GDAP1: variants seen among roughly 807,000 people sequenced by gnomAD.
The protein encoded by GDAP1 is ganglioside-induced differentiation-associated protein 1.
A neutral mutation model predicts 40.1 loss-of-function variants in GDAP1; 34 were observed. That is an observed-to-expected ratio of 0.85 (90% confidence interval 0.64 to 1.13). GDAP1 has a LOEUF of 1.13. Ranked by LOEUF, GDAP1 falls within the 50% of genes most tolerant of loss-of-function variation. The pLI is 0.00. For missense variants in GDAP1, 374 were observed against 433.7 expected (o/e 0.86, Z 1.22); for synonymous variants, 170 against 157.4 (o/e 1.08, Z -0.60).
intron 2 of GDAP1, among the ~76,000 whole-genome samples, chr8:74,413,657 G>A (rs1805742795): frequency 6.7e-6 from 1 of 149,286 alleles, no homozygotes; most frequent in Non-Finnish European, 1.5e-5. Context: ...TCTGAGGGAG[G>A]CGATCTTCCT....
intron 2 of GDAP1, among the ~76,000 whole-genome samples, chr8:74,356,714 A>G (rs13280703): frequency 1.7e-5 from 1 of 57,872 alleles, no homozygotes; most frequent in East Asian, 4.9e-4. Context: ...ATATATATAT[A>G]TATTTTTTTT....
At chr8:74,389,686 G>A (rs565724181) in intron 2 of GDAP1, among the ~76,000 whole-genome samples, 1 of 152,180 alleles carries the variant, frequency 6.6e-6, no homozygotes, top group Non-Finnish European at 1.5e-5. Context: ...TATCTTTGTG[G>A]TGTTCTCTGT....
At chr8:74,473,670 G>T (rs1368638093) in intron 2 of GDAP1, among the ~76,000 whole-genome samples, 1 of 152,208 alleles carries the variant, frequency 6.6e-6, no homozygotes, top group South Asian at 2.1e-4. Flanking sequence ...CTCTGTGTCT[G>T]TTTTTGTACC....
At chr8:74,398,028 T>C (rs1264721094) in intron 2 of GDAP1, among the ~76,000 whole-genome samples, 2 of 151,612 alleles carry the variant, frequency 1.3e-5, no homozygotes, top group Non-Finnish European at 2.9e-5. Flanking sequence ...CTCTTTTATT[T>C]CATTGAGTAG....
At chr8:74,397,797 C>T (rs998993303) in intron 2 of GDAP1, among the ~76,000 whole-genome samples, 2 of 152,058 alleles carry the variant, frequency 1.3e-5, no homozygotes, top group African/African-American at 2.4e-5. Flanking sequence ...TGTGATGCCT[C>T]CAGCTTTGTT....
intron 2 of GDAP1, among the ~76,000 whole-genome samples, chr8:74,474,927 T>G (rs886192139): frequency 1.3e-5 from 2 of 152,162 alleles, no homozygotes; most frequent in Non-Finnish European, 2.9e-5. Flanking sequence ...CTGGGCTTTT[T>G]TTGGTTGGTA....
intron 2 of GDAP1, among the ~76,000 whole-genome samples, chr8:74,436,468 G>T (rs1164103783): frequency 6.9e-6 from 1 of 144,304 alleles, no homozygotes; most frequent in Non-Finnish European, 1.5e-5. Flanking sequence ...TGTTGCCCAA[G>T]CTAGAGTGCA....
intron 2 of GDAP1, among the ~76,000 whole-genome samples, chr8:74,376,215 A>G (rs1385025145): frequency 6.6e-6 from 1 of 152,226 alleles, no homozygotes; most frequent in Non-Finnish European, 1.5e-5. Flanking sequence ...TGAAGTGCCA[A>G]TCACCATTAC....
intron 2 of GDAP1, among the ~76,000 whole-genome samples, chr8:74,417,033 T>C (rs1805792372): frequency 1.3e-5 from 2 of 148,912 alleles, no homozygotes; most frequent in South Asian, 4.2e-4. Context: ...GTGAAGTTTC[T>C]TGGAGAAGGG....
intron 3 of GDAP1, among the ~76,000 whole-genome samples, chr8:74,361,054 T>A (rs866801282): frequency 1.3e-5 from 2 of 152,100 alleles, no homozygotes; most frequent in Non-Finnish European, 2.9e-5. Flanking sequence ...TTTCCTCTCC[T>A]CTCCCTTCCC....
At chr8:74,405,647 C>G (rs1805628510) in intron 2 of GDAP1, among the ~76,000 whole-genome samples, 1 of 149,970 alleles carries the variant, frequency 6.7e-6, no homozygotes, top group Non-Finnish European at 1.5e-5. Context: ...TGTATGTGGA[C>G]TTAATTTTTC....
chr8:74,366,663 A>G lies in GDAP1; in HGVS notation c.*2296A>G. The stretch of plus-strand genomic sequence containing the variant: ...ATGTTGGCTTTTTGTGTCTTAACAC[A>G]CATAAATACTATTGTTATTGCAGCA... On this transcript the variant is annotated 3_prime_UTR_variant, in exon 6 of 6. Transcript: ENST00000220822. The G allele has an allele frequency of 2.2e-6, 1 of 453,566 alleles. No homozygotes were observed. The highest frequency in any genetic ancestry group is 1.6e-5 in the South Asian group (1 of 64,402). 28.1% of individuals were successfully genotyped at this position (453,566 alleles called of 1,614,324 possible).
chr8:74,419,857 C>T (rs139816878), intron 2 of GDAP1, among the ~76,000 whole-genome samples: 1 of 152,010 alleles, frequency 6.6e-6, no homozygotes, highest in East Asian at 1.9e-4. Context: ...AGCCAGTCCA[C>T]CTTCATTCTT....
At chr8:74,431,876 G>T (rs73331345) in intron 2 of GDAP1, among the ~76,000 whole-genome samples, 1 of 152,088 alleles carries the variant, frequency 6.6e-6, no homozygotes, top group African/African-American at 2.4e-5. Context: ...TAGTAAATAC[G>T]TGATTGTGGG....
At chr8:74,426,946 T>C (rs1212532724) in intron 2 of GDAP1, among the ~76,000 whole-genome samples, 1 of 152,208 alleles carries the variant, frequency 6.6e-6, no homozygotes, top group Non-Finnish European at 1.5e-5. Context: ...CTTAGACCTA[T>C]GTGGTAGATT....
chr8:74,476,374 A>T (rs941837560), intron 2 of GDAP1, among the ~76,000 whole-genome samples: 1 of 152,164 alleles, frequency 6.6e-6, no homozygotes, highest in African/African-American at 2.4e-5. Context: ...GTTGCTTTAT[A>T]GTGTCAATGG....
At chr8:74,380,852 C>G (rs974908888) in intron 2 of GDAP1, among the ~76,000 whole-genome samples, 2 of 152,110 alleles carry the variant, frequency 1.3e-5, no homozygotes, top group Non-Finnish European at 2.9e-5. Context: ...ACCAGCTCAC[C>G]CCAGTGCTTA....
At chr8:74,384,718 C>T (rs1407790887) in intron 2 of GDAP1, among the ~76,000 whole-genome samples, 2 of 152,156 alleles carry the variant, frequency 1.3e-5, no homozygotes, top group African/African-American at 4.8e-5. Flanking sequence ...TAAAAAAGCA[C>T]TAAGTAACAC....
intron 2 of GDAP1, among the ~76,000 whole-genome samples, chr8:74,394,152 A>G (rs1320083917): frequency 6.6e-6 from 1 of 152,178 alleles, no homozygotes; most frequent in Non-Finnish European, 1.5e-5. Context: ...GTCACGTCCT[A>G]CGTGGATGGC....
Sources: gnomAD v4.1 joint callset for allele counts (sites outside exome capture counted in the v4.1 genomes callset) on GRCh38, gnomAD v4.1.1 for gene constraint, MANE v1.5 for transcripts, NCBI Gene and HGNC (gene_info 2026-07-23, HGNC 2026-07-21) for gene names.